The following PSMA1 variants were observed in gnomAD, a reference collection of about 807,000 sequenced individuals.
The protein encoded by PSMA1 is proteasome subunit alpha type-1.
In PSMA1, 3 loss-of-function variants were observed where a neutral mutation model predicts 38.4. The observed-to-expected ratio is 0.08, with a 90% CI of 0.04 to 0.20. The LOEUF is 0.20. Among genes scored for constraint, PSMA1 ranks in the 10% least tolerant of loss-of-function variants. The pLI is 1.00. For missense variants in PSMA1, 227 were observed against 325.3 expected, an observed-to-expected ratio of 0.70 and a Z score of 2.32; for synonymous variants, 101 against 107.1, an observed-to-expected ratio of 0.94 and a Z score of 0.35.
At chr11:14,573,704 G>C (rs1426877974) in intron 2 of PSMA1, among the ~76,000 whole-genome samples, 1 of 152,150 alleles carries the variant, frequency 6.6e-6, no homozygotes, top group African/African-American at 2.4e-5. Context: ...ATTCAATTAG[G>C]AAAAGAGGAA....
intron 2 of PSMA1, among the ~76,000 whole-genome samples, chr11:14,574,066 C>G (rs1852182385): frequency 6.6e-6 from 1 of 152,046 alleles, no homozygotes; most frequent in Non-Finnish European, 1.5e-5. Flanking sequence ...AAAAGAGAAG[C>G]AGAGTATAAA....
chr11:14,510,333 A>C (rs1851323940), intron 8 of PSMA1, among the ~76,000 whole-genome samples: 1 of 151,668 alleles, frequency 6.6e-6, no homozygotes, highest in East Asian at 1.9e-4. Context: ...CTCAAATTTC[A>C]TTTTCTTGGT....
intron 2 of PSMA1, among the ~76,000 whole-genome samples, chr11:14,532,722 C>A (rs1018990517): frequency 6.6e-6 from 1 of 151,854 alleles, no homozygotes; most frequent in African/African-American, 2.4e-5. Flanking sequence ...CCAAGGCGGG[C>A]AGACCACTTG....
intron 2 of PSMA1, among the ~76,000 whole-genome samples, chr11:14,541,352 C>A (rs937659809): frequency 2.6e-5 from 4 of 152,220 alleles, no homozygotes; most frequent in Non-Finnish European, 5.9e-5. Context: ...CCCTTGACCC[C>A]CAGGCTCAGT....
chr11:14,634,146 G>C (rs770655804), intron 1 of PSMA1, among the ~76,000 whole-genome samples: 1 of 152,054 alleles, frequency 6.6e-6, no homozygotes, highest in Non-Finnish European at 1.5e-5. Flanking sequence ...GTTCCTATTC[G>C]GCCATCTTGG....
chr11:14,530,942 T>C (rs1319085956), intron 2 of PSMA1, among the ~76,000 whole-genome samples: 2 of 148,564 alleles, frequency 1.3e-5, no homozygotes, highest in Non-Finnish European at 3.0e-5. Context: ...ATAAAAGTTC[T>C]CTAGTAGTAG....
intron 2 of PSMA1, among the ~76,000 whole-genome samples, chr11:14,526,867 T>C (rs112282828): frequency 1.3e-5 from 2 of 152,222 alleles, no homozygotes; most frequent in East Asian, 3.8e-4. Flanking sequence ...AGGCAGGCTA[T>C]GCTATAGTAT....
intron 2 of PSMA1, among the ~76,000 whole-genome samples, chr11:14,553,279 A>G (rs1269195771): frequency 6.6e-6 from 1 of 152,154 alleles, no homozygotes; most frequent in Non-Finnish European, 1.5e-5. Context: ...ACAATATTAA[A>G]TTCAGGAAAT....
chr11:14,636,636 C>G (rs949212410), intron 1 of PSMA1, among the ~76,000 whole-genome samples: 1 of 152,188 alleles, frequency 6.6e-6, no homozygotes, highest in African/African-American at 2.4e-5. Flanking sequence ...CATCCAATGG[C>G]CAAGAAACAT....
rs531051849 is a variant in PSMA1, at chr11:14,612,149, A to G, written c.-165-998T>C. Among the ~76,000 whole-genome samples the G allele has an allele frequency of 1.1e-3, 165 of 152,324 alleles. 1 individual carries two copies. Among genetic ancestry groups the G allele is most frequent in the African/African-American group, 3.8e-3 (158 of 41,568 alleles). On this transcript the variant is annotated intron_variant, in intron 1 of 10. Transcript: ENST00000418988. Reference sequence around the variant, plus strand: ...GGAATGTAACAAAACCTGACAACAGACAAGTATGATGTGGTGTGAAGTTTT... The same window carrying G: ...GGAATGTAACAAAACCTGACAACAGGCAAGTATGATGTGGTGTGAAGTTTT...
intron 2 of PSMA1, among the ~76,000 whole-genome samples, chr11:14,532,498 G>A (rs947545469): frequency 2.6e-5 from 4 of 152,026 alleles, no homozygotes; most frequent in Non-Finnish European, 4.4e-5. Flanking sequence ...CCAGCTACTC[G>A]GGAGGCTGAG....
Position 14,517,682 on chromosome 11 carries a change from T to C in PSMA1, c.214A>G (p.Ile72Val), listed in dbSNP as rs750768913. 3 of 1,608,380 alleles carry C rather than the reference T, an allele frequency of 1.9e-6. No individual in the cohort carries two copies. Among genetic ancestry groups the C allele is most frequent in the Non-Finnish European group, 2.5e-6 (3 of 1,178,954 alleles). ...TCAGCAGTAAGCCCCGCAATTGAGA[T>C]ACCAATATGGTTGTCAACATGGAGA... ...KILHVDNHIG[I>V]SIAGLTADAR... The change falls in exon 4 of 10, where the codon ATC becomes GTC. Residue 72 changes from isoleucine to valine, a missense_variant. Physicochemically the swap from Ile to Val is conservative, Grantham distance 29. Transcript: ENST00000396394.
chr11:14,603,952 T>C (rs1228128251), intron 2 of PSMA1, among the ~76,000 whole-genome samples: 1 of 152,218 alleles, frequency 6.6e-6, no homozygotes, highest in African/African-American at 2.4e-5. Flanking sequence ...GACTGATGCT[T>C]AACTCTCTTT....
At chr11:14,512,439 T>G (rs1452815513) in intron 7 of PSMA1, among the ~76,000 whole-genome samples, 1 of 152,120 alleles carries the variant, frequency 6.6e-6, no homozygotes, top group Non-Finnish European at 1.5e-5. Context: ...ATGGATCAGA[T>G]GCTTTGTATC....
intron 1 of PSMA1, among the ~76,000 whole-genome samples, chr11:14,613,818 A>T (rs936611870): frequency 6.6e-6 from 1 of 152,214 alleles, no homozygotes; most frequent in Non-Finnish European, 1.5e-5. Context: ...TAATTCTGGC[A>T]TCTTCCACAA....
intron 2 of PSMA1, among the ~76,000 whole-genome samples, chr11:14,590,893 G>A (rs1045802816): frequency 1.3e-5 from 2 of 152,268 alleles, no homozygotes; most frequent in Non-Finnish European, 2.9e-5. Context: ...CCAGTGAGAG[G>A]TGACAGTGTG....
At chr11:14,538,381 A>G (rs926917128) in intron 2 of PSMA1, among the ~76,000 whole-genome samples, 3 of 152,214 alleles carry the variant, frequency 2.0e-5, no homozygotes, top group Non-Finnish European at 4.4e-5. Context: ...GTCTAAAATC[A>G]AAAAGAAAAG....
In PSMA1 at chr11:14,612,916, C is replaced by T. The variant is rs180701931; in HGVS notation, c.-165-1765G>A. Among the ~76,000 whole-genome samples, 40 of 147,196 alleles carry T rather than the reference C, an allele frequency of 2.7e-4. No homozygotes were observed. The East Asian group carries it at 3.5e-3, about 13-fold the overall frequency. On this transcript the variant is annotated intron_variant, in intron 1 of 10. Transcript: ENST00000418988. ...CTTTCCATTTATTTTGTGGGCCGGGCGGGCTGGGCAGATGAGTGATAAAAG... is the reference window on the plus strand; with the variant it reads ...CTTTCCATTTATTTTGTGGGCCGGGTGGGCTGGGCAGATGAGTGATAAAAG...
intron 2 of PSMA1, among the ~76,000 whole-genome samples, chr11:14,536,948 A>G (rs543284064): frequency 7.0e-4 from 106 of 152,344 alleles, no homozygotes; most frequent in South Asian, 8.3e-4. Flanking sequence ...TGATGGCTTC[A>G]GAATTTCTTT....
Sources: gnomAD v4.1 joint callset for allele counts (sites outside exome capture counted in the v4.1 genomes callset) on GRCh38, gnomAD v4.1.1 for gene constraint, MANE v1.5 for transcripts, NCBI Gene and HGNC (gene_info 2026-07-23, HGNC 2026-07-21) for gene names.